The following CDX1 variants were observed in gnomAD, a reference collection of about 807,000 sequenced individuals.
The protein encoded by CDX1 is caudal type homeobox 1.
A neutral mutation model predicts 16.9 loss-of-function variants in CDX1; 9 were observed. The observed-to-expected ratio is 0.53, with a 90% confidence interval of 0.32 to 0.93. CDX1 has a LOEUF of 0.93. CDX1 is among the 40% of genes least tolerant of loss of function. The pLI, the probability that CDX1 is intolerant of heterozygous loss-of-function variation, is 0.04. For missense variants in CDX1, 393 were observed against 386.1 expected (o/e 1.02, Z -0.15); for synonymous variants, 179 against 179.0 (o/e 1.00, Z 0.00).
Position 150,182,842 on chromosome 5 carries a change from C to T in CDX1, c.520C>T (p.His174Tyr), listed in dbSNP as rs1345991254. Residue 174 changes from histidine (H) to tyrosine (Y), a missense_variant, in exon 2 of 3, where the codon CAT becomes TAT. Transcript: ENST00000231656. ...ACGCCTGGAGCTGGAGAAGGAGTTT[C>T]ATTACAGCCGTTACATCACAATCCG... is the stretch of plus-strand genomic sequence containing the variant. Reference protein sequence around the residue: ...HQRLELEKEFHYSRYITIRRK... With the variant: ...HQRLELEKEFYYSRYITIRRK... 4 of 1,613,680 alleles carry T rather than the reference C, an allele frequency of 2.5e-6. No homozygotes were observed. Among genetic ancestry groups the T allele is most frequent in the Non-Finnish European group, 3.4e-6 (4 of 1,179,730 alleles).
chr5:150,173,100 G>T (rs1031218789), intron 1 of CDX1, among the ~76,000 whole-genome samples: 1 of 152,200 alleles, frequency 6.6e-6, no homozygotes, highest in African/African-American at 2.4e-5. Flanking sequence ...GAGGGAGCAA[G>T]CTAGGCTCCA....
chr5:150,172,273 C>T (rs1244518346), intron 1 of CDX1, among the ~76,000 whole-genome samples: 1 of 152,234 alleles, frequency 6.6e-6, no homozygotes, highest in East Asian at 1.9e-4. Flanking sequence ...CAGTCCCATC[C>T]TCACCCTGTC....
chr5:150,180,689 C>T (rs1027344352), intron 1 of CDX1, among the ~76,000 whole-genome samples: 4 of 152,146 alleles, frequency 2.6e-5, no homozygotes, highest in South Asian at 2.1e-4. Flanking sequence ...GGAGCGTGTG[C>T]GGGTCTGGAA....
rs1338320026 is a variant in CDX1, at chr5:150,183,550, C to A, written c.668C>A (p.Pro223Gln). ...AAGAAACAGCAGCAGCAACAGCCCC[C>A]ACAGCCGCCGATGGCCCACGACATC... ...NKKKQQQQQPPQPPMAHDITA... is the reference protein window; with the variant it reads ...NKKKQQQQQPQQPPMAHDITA... The change falls in exon 3 of 3, where the codon CCA becomes CAA. Residue 223 changes from proline (P) to glutamine (Q), a missense_variant. By Grantham distance (76) the Pro-to-Gln change is moderately conservative (BLOSUM62 -1). Transcript: ENST00000231656. The A allele has an allele frequency of 1.2e-6, 2 of 1,612,486 alleles. No homozygotes were observed. Among genetic ancestry groups the A allele is most frequent in the Non-Finnish European group, 8.5e-7 (1 of 1,178,964 alleles).
chr5:150,182,182 AGGAG>A (rs1406830273), intron 1 of CDX1, among the ~76,000 whole-genome samples: 1 of 152,160 alleles, frequency 6.6e-6, no homozygotes, highest in Non-Finnish European at 1.5e-5. Context: ...TCTCTTGCAC[AGGAG>A]GAAGGAGCAG....
At chr5:150,181,958 C>T (rs975930974) in intron 1 of CDX1, among the ~76,000 whole-genome samples, 4 of 152,134 alleles carry the variant, frequency 2.6e-5, no homozygotes, top group African/African-American at 9.6e-5. Context: ...AGCCTCCGGC[C>T]TCTGGTGCAG....
At chr5:150,181,095 C>A (rs1397607735) in intron 1 of CDX1, among the ~76,000 whole-genome samples, 1 of 152,172 alleles carries the variant, frequency 6.6e-6, no homozygotes, top group African/African-American at 2.4e-5. Context: ...CAGAGTCCCT[C>A]CCCTTGTCTC....
rs369551362 is a variant in CDX1 at position 150,172,620 on chromosome 5, G to T, written c.445+5299G>T. Reference sequence around the variant, plus strand: ...CCCCATGGGCATCCCAGCCAGGTTGGGGGGAAAGGAGGCCAGGCAGGGGAT... The same window carrying T: ...CCCCATGGGCATCCCAGCCAGGTTGTGGGGAAAGGAGGCCAGGCAGGGGAT... On this transcript the variant is annotated intron_variant, in intron 1 of 2. Coordinates refer to ENST00000231656, the MANE Select transcript of CDX1 (RefSeq NM_001804.3). Among the ~76,000 whole-genome samples the T allele has an allele frequency of 4.6e-5, 7 of 152,292 alleles. No homozygotes were observed. In the East Asian group the frequency reaches 1.4e-3, roughly 29 times the overall value.
intron 1 of CDX1, among the ~76,000 whole-genome samples, chr5:150,171,629 T>A (rs1761508650): frequency 6.6e-6 from 1 of 152,214 alleles, no homozygotes; most frequent in Non-Finnish European, 1.5e-5. Context: ...AGCCACCGTG[T>A]CCGGCCTTTT....
intron 1 of CDX1, 129 bp from the exon 2 acceptor site, chr5:150,182,639 G>C: frequency 3.7e-6 from 3 of 820,964 alleles, no homozygotes; most frequent in Non-Finnish European, 3.8e-6. Flanking sequence ...TGGAGTGTAT[G>C]TCTCTCCCCA....
At chr5:150,177,070 G>T (rs1318018189) in intron 1 of CDX1, among the ~76,000 whole-genome samples, 3 of 152,234 alleles carry the variant, frequency 2.0e-5, no homozygotes, top group African/African-American at 7.2e-5. Context: ...TGACCTAGGG[G>T]CCATTTGATT....
At chr5:150,178,139 AAGGCTGCTGGTC>A (rs1270880776) in intron 1 of CDX1, among the ~76,000 whole-genome samples, 3 of 152,210 alleles carry the variant, frequency 2.0e-5, no homozygotes, top group African/African-American at 4.8e-5. Context: ...AGGCAGTTCC[AAGGCTGCTGGTC>A]AGGCACTGGG....
In CDX1 at chr5:150,182,777, G is replaced by A. The variant is rs556449017; in HGVS notation, c.455G>A (p.Arg152Gln). The change falls in exon 2 of 3, where the codon CGG becomes CAG. Residue 152 changes from arginine to glutamine, a missense_variant. Physicochemically the swap from Arg to Gln is conservative, Grantham distance 43 (BLOSUM62 1). Transcript: ENST00000231656. The part of the protein sequence containing the change: ...AGGGGGSGKT[R>Q]TKDKYRVVYT... ...TCCTTCTGCTTCTCAGGTAAGACTC[G>A]GACCAAGGACAAGTACCGCGTGGTC... The A allele has an allele frequency of 1.8e-5, 28 of 1,580,636 alleles. No homozygotes were observed. The highest frequency in any genetic ancestry group is 1.7e-4 in the East Asian group (7 of 42,302).
chr5:150,183,393 C>A, intron 2 of CDX1, 81 bp from the exon 3 acceptor site: 2 of 1,268,610 alleles, frequency 1.6e-6, no homozygotes, highest in South Asian at 3.2e-5. Context: ...TAGGGGCTCA[C>A]TGTCCTCGTC....
At chr5:150,172,659 C>A (rs1401835316) in intron 1 of CDX1, among the ~76,000 whole-genome samples, 1 of 152,122 alleles carries the variant, frequency 6.6e-6, no homozygotes, top group Non-Finnish European at 1.5e-5. Context: ...CTGTAAGAGG[C>A]TGGGGGAGGA....
chr5:150,176,490 T>C (rs1761571519), intron 1 of CDX1, among the ~76,000 whole-genome samples: 1 of 152,078 alleles, frequency 6.6e-6, no homozygotes, highest in African/African-American at 2.4e-5. Flanking sequence ...CTGCATGCAG[T>C]GTGGGTCTCT....
At chr5:150,183,430 T>A in intron 2 of CDX1, 44 bp from the exon 3 acceptor site, 1 of 1,510,900 alleles carries the variant, frequency 6.6e-7, no homozygotes, top group Non-Finnish European at 9.0e-7. Flanking sequence ...TCTCTTTCAC[T>A]CTCTCCCTGC....
In CDX1 at chr5:150,166,779, G is replaced by A. The variant is rs1761423306; in HGVS notation, c.-98G>A. ...AGGCCTGGGTGGGGCGGGCGCGGCG[G>A]CAGGACAGCCGAGTTCAGGTGAGCG... is the stretch of plus-strand genomic sequence containing the variant. On this transcript the variant is annotated 5_prime_UTR_variant, in exon 1 of 3. Coordinates refer to ENST00000231656, the MANE Select transcript of CDX1 (RefSeq NM_001804.3). The A allele has an allele frequency of 1.2e-6, 1 of 835,858 alleles. No individual in the cohort carries two copies. The highest frequency in any genetic ancestry group is 3.5e-5 in the East Asian group (1 of 28,958). The allele number at this position is 835,858 out of a possible 1,614,324, so 51.8% of individuals were successfully genotyped here. A position where few individuals can be genotyped will look rare whatever the true frequency, so the allele number is the denominator to read the frequency against.
chr5:150,167,087 G>T lies in CDX1; in HGVS notation c.211G>T (p.Asp71Tyr), dbSNP rs1158745090. 6.5e-6 allele frequency: 9 copies of T among 1,386,386 alleles called. No individual in the cohort carries two copies. Among genetic ancestry groups the T allele is most frequent in the African/African-American group, 4.6e-5 (3 of 65,006 alleles). 85.9% of individuals were successfully genotyped at this position (1,386,386 alleles called of 1,614,324 possible). A position where few individuals can be genotyped will look rare whatever the true frequency, so the allele number is the denominator to read the frequency against. ...GGCGCCCTTCCCTGCGCCCAAGGAC[G>T]ACTGGGCCGCCGCCTACGGCCCGGG... ...WGAPFPAPKD[D>Y]WAAAYGPGPA... Residue 71 changes from aspartate (D) to tyrosine (Y), a missense_variant, in exon 1 of 3, where the codon GAC becomes TAC. Transcript: ENST00000231656.
Sources: allele counts gnomAD v4.1 joint callset (sites outside exome capture counted in the v4.1 genomes callset), GRCh38; gene constraint gnomAD v4.1.1; transcripts MANE v1.5; gene names NCBI Gene and HGNC (gene_info 2026-07-23, HGNC 2026-07-21).